MPRIP: variants seen among roughly 807,000 people sequenced by gnomAD.
MPRIP encodes the protein myosin phosphatase Rho interacting protein, also known as myosin phosphatase Rho-interacting protein.
MPRIP carries 59 observed loss-of-function variants against 234.9 expected under a neutral mutation model. The observed-to-expected ratio is 0.25, with a 90% CI of 0.20 to 0.31. The LOEUF (loss-of-function observed/expected upper bound fraction) is 0.31, where lower values mean the gene tolerates loss of function less well. MPRIP is among the 10% of genes least tolerant of loss of function. The pLI is 1.00. For synonymous variants in MPRIP, 1,144 were observed against 1,263.9 expected (o/e 0.91, Z 2.01); for missense variants, 2,436 against 3,071.0 (o/e 0.79, Z 4.89).
At chr17:17,147,964 T>G (rs1009610850) in intron 11 of MPRIP, among the ~76,000 whole-genome samples, 8 of 152,182 alleles carry the variant, frequency 5.3e-5, no homozygotes, top group African/African-American at 1.9e-4. Flanking sequence ...CTCCTTTGCC[T>G]TTTCCCCAGT....
intron 1 of MPRIP, among the ~76,000 whole-genome samples, chr17:17,056,007 G>A (rs2088684716): frequency 6.6e-6 from 1 of 152,204 alleles, no homozygotes; most frequent in Non-Finnish European, 1.5e-5. Flanking sequence ...AGGAAACCCA[G>A]CTGTGGGACT....
At position 17,171,801 on chromosome 17, in the gene MPRIP, G is replaced by A. The variant is rs1040290357; in HGVS notation, c.6408G>A (p.Glu2136=). The A allele has an allele frequency of 4.3e-6, 7 of 1,613,578 alleles. No individual in the cohort carries two copies. In the African/African-American group the frequency reaches 9.3e-5, roughly 22 times the overall value. The stretch of plus-strand genomic sequence containing the variant: ...ATCTCCAGAGGCAGCACCAGCGGGA[G>A]CTAGAGAAACTTCGAGAAGAGAAAG... ...IEDLQRQHQR[E]LEKLREEKDR... is the part of the protein sequence containing the mutation. The change falls in exon 17 of 24, where the codon GAG becomes GAA. Residue 2136 remains glutamate, a synonymous_variant. Coordinates refer to ENST00000651222, the MANE Select transcript of MPRIP (RefSeq NM_001364716.4).
chr17:17,128,698 TCTC>T (rs2090540120), intron 4 of MPRIP, among the ~76,000 whole-genome samples: 1 of 152,188 alleles, frequency 6.6e-6, no homozygotes, highest in South Asian at 2.1e-4. Flanking sequence ...ACAGGCAGGT[TCTC>T]ACGTGGCATA....
At chr17:17,110,215 G>T (rs1567721011) in intron 3 of MPRIP, among the ~76,000 whole-genome samples, 1 of 152,058 alleles carries the variant, frequency 6.6e-6, no homozygotes. Flanking sequence ...GCGCCCATTT[G>T]CCTTCCACCC....
At chr17:17,108,817 A>G (rs1375733682) in intron 3 of MPRIP, among the ~76,000 whole-genome samples, 1 of 152,234 alleles carries the variant, frequency 6.6e-6, no homozygotes, top group Non-Finnish European at 1.5e-5. Context: ...GCCTTTGGGC[A>G]GAAAAGGCAG....
At chr17:17,093,892 C>T (rs73277633) in intron 3 of MPRIP, among the ~76,000 whole-genome samples, 10,129 of 152,254 alleles carry the variant, frequency 0.067, 406 homozygotes, top group African/African-American at 0.099. Context: ...GCTCTTTCAT[C>T]GGCCTGGCTC....
chr17:17,099,284 A>G (rs966030471), intron 3 of MPRIP, among the ~76,000 whole-genome samples: 2 of 152,134 alleles, frequency 1.3e-5, no homozygotes, highest in African/African-American at 2.4e-5. Context: ...TGTAGGGTCC[A>G]GCACCTCCCT....
intron 23 of MPRIP, chr17:17,180,513 C>A: frequency 8.7e-7 from 1 of 1,144,706 alleles, no homozygotes. Context: ...CTGTCCAGAG[C>A]CAGCCATGCA....
chr17:17,054,806 T>A (rs2088644151), intron 1 of MPRIP, among the ~76,000 whole-genome samples: 1 of 152,034 alleles, frequency 6.6e-6, no homozygotes. Context: ...TCCCGGAACT[T>A]TGGGAGGCCA....
intron 1 of MPRIP, among the ~76,000 whole-genome samples, chr17:17,051,545 G>A (rs2088540752): frequency 6.6e-6 from 1 of 152,224 alleles, no homozygotes; most frequent in South Asian, 2.1e-4. Context: ...GGGGCGGGGT[G>A]GCGGGGGAGG....
intron 8 of MPRIP, 106 bp downstream of exon 8, chr17:17,142,871 C>T: frequency 7.6e-7 from 1 of 1,318,706 alleles, no homozygotes; most frequent in South Asian, 1.5e-5. Context: ...GTGCTCCTGC[C>T]AGGCTTCTCT....
chr17:17,065,305 C>T (rs1009867004), intron 1 of MPRIP, among the ~76,000 whole-genome samples: 3 of 151,478 alleles, frequency 2.0e-5, no homozygotes, highest in African/African-American at 7.3e-5. Flanking sequence ...TTAATGAAGT[C>T]CAGTTTATCC....
At chr17:17,067,350 T>G (rs2089062802) in intron 1 of MPRIP, among the ~76,000 whole-genome samples, 1 of 152,190 alleles carries the variant, frequency 6.6e-6, no homozygotes, top group Admixed American at 6.5e-5. Context: ...TAATACTAGC[T>G]GGATGCACAA....
intron 13 of MPRIP, among the ~76,000 whole-genome samples, chr17:17,157,381 C>G (rs1238415643): frequency 6.6e-6 from 1 of 152,244 alleles, no homozygotes; most frequent in Non-Finnish European, 1.5e-5. Flanking sequence ...TGGCAGGTAA[C>G]CCAGTGTCCT....
At chr17:17,052,170 G>C (rs540586075) in intron 1 of MPRIP, among the ~76,000 whole-genome samples, 218 of 152,334 alleles carry the variant, frequency 1.4e-3, no homozygotes, top group Non-Finnish European at 2.2e-3. Flanking sequence ...ACAGATTTCA[G>C]CTCCATGAGG....
In MPRIP at chr17:17,164,811, G is replaced by C; in HGVS notation, c.3220G>C (p.Glu1074Gln). ...LQKEKLSATF[E>Q]GSEQVHQLEE... is the part of the protein sequence containing the mutation. ...GAAGGAGAAGCTGAGCGCCACTTTC[G>C]AGGGCAGTGAGCAGGTGCACCAGCT... Residue 1074 changes from glutamate to glutamine, a missense_variant, in exon 16 of 24, where the codon GAG (glutamate) becomes CAG (glutamine). Glu to Gln is a conservative substitution (Grantham distance 29). Coordinates refer to ENST00000651222, the MANE Select transcript of MPRIP (RefSeq NM_001364716.4). 3 of 1,304,192 alleles carry C rather than the reference G, an allele frequency of 2.3e-6. No homozygotes were observed. The highest frequency in any genetic ancestry group is 3.0e-6 in the Non-Finnish European group (3 of 988,940). 80.8% of individuals were successfully genotyped at this position (1,304,192 alleles called of 1,614,324 possible). A position where few individuals can be genotyped will look rare whatever the true frequency, so the allele number is the denominator to read the frequency against.
chr17:17,150,439 G>A lies in MPRIP; in HGVS notation c.1719+206G>A, dbSNP rs187195457. Among the ~76,000 whole-genome samples, 9 of 152,280 alleles carry A rather than the reference G, an allele frequency of 5.9e-5. No individual in the cohort carries two copies. The East Asian group carries it at 1.7e-3, about 29-fold the overall frequency. ...TTGTGATGTGAACAGTACATTAGAC[G>A]TTAGTATCTTTTTTCTGAAGACTGC... On this transcript the variant is annotated intron_variant, in intron 12 of 23. Coordinates refer to ENST00000651222, the MANE Select transcript of MPRIP (RefSeq NM_001364716.4).
rs558444537 is a variant in MPRIP, at chr17:17,078,680, G to C, written c.267+604G>C. Among the ~76,000 whole-genome samples, 3 of 152,316 alleles carry C rather than the reference G, an allele frequency of 2.0e-5. No individual in the cohort carries two copies. The East Asian group carries it at 5.8e-4, about 29-fold the overall frequency. On this transcript the variant is annotated intron_variant, in intron 3 of 23. Transcript: ENST00000651222. This position sits in a 1 kb window ranked among gnomAD's most constrained non-coding sequence, Gnocchi z 4.3. The stretch of plus-strand genomic sequence containing the variant: ...CTGGGCTGGATGAGTGTTTGCTGCT[G>C]TTGCCCCAGAGGCCAAACCTGAAAA...
intron 2 of MPRIP, chr17:17,077,114 G>T (rs1046216869): frequency 1.3e-5 from 2 of 151,914 alleles, no homozygotes; most frequent in African/African-American, 4.8e-5. Flanking sequence ...GCTAATTTTT[G>T]TATTTTTTGT....
Sources: allele counts gnomAD v4.1 joint callset (sites outside exome capture counted in the v4.1 genomes callset), GRCh38; gene constraint gnomAD v4.1.1; non-coding constraint Gnocchi (gnomAD v3.1); transcripts MANE v1.5; gene names NCBI Gene and HGNC (gene_info 2026-07-23, HGNC 2026-07-21).